FBRSL1: variants seen among roughly 807,000 people sequenced by gnomAD.
FBRSL1 encodes fibrosin-1-like protein.
FBRSL1 carries 51 observed loss-of-function variants against 89.6 expected under a neutral mutation model. The observed-to-expected ratio is 0.57, with a 90% confidence interval of 0.45 to 0.72. The LOEUF is 0.72. Among genes scored for constraint, FBRSL1 ranks in the 30% least tolerant of loss-of-function variants. The pLI is 0.00. For synonymous variants in FBRSL1, 779 were observed against 681.1 expected, an observed-to-expected ratio of 1.14 and a Z score of -2.24; for missense variants, 1,618 against 1,451.8, an observed-to-expected ratio of 1.11 and a Z score of -1.86.
chr12:132,565,698 A>G (rs1391145828), intron 5 of FBRSL1: 1 of 152,316 alleles, frequency 6.6e-6, no homozygotes, highest in Non-Finnish European at 1.5e-5. Flanking sequence ...CACATTGTCC[A>G]GATCCACATA....
intron 14 of FBRSL1, among the ~76,000 whole-genome samples, chr12:132,575,810 A>T (rs1262579774): frequency 6.6e-6 from 1 of 152,194 alleles, no homozygotes; most frequent in Non-Finnish European, 1.5e-5. Context: ...CAGTGAAACC[A>T]CCCCAGTGCC....
At chr12:132,551,484 G>A (rs1353384406) in intron 5 of FBRSL1, 1 of 456,216 alleles carries the variant, frequency 2.2e-6, no homozygotes, top group East Asian at 6.9e-5. Flanking sequence ...CTTCTGGACG[G>A]AGTGGTGGGG....
At chr12:132,515,213 GCACAGA>G (rs937635352) in intron 2 of FBRSL1, among the ~76,000 whole-genome samples, 33 of 152,152 alleles carry the variant, frequency 2.2e-4, no homozygotes, top group African/African-American at 7.9e-4. Flanking sequence ...CCCTCACTTG[GCACAGA>G]CAAACCAGAC....
intron 15 of FBRSL1, chr12:132,580,919 G>A: frequency 1.0e-6 from 1 of 985,468 alleles, no homozygotes; most frequent in Non-Finnish European, 1.2e-6. Flanking sequence ...GTTGTTGGGG[G>A]GCCAGGGCTG....
intron 5 of FBRSL1, chr12:132,554,172 G>A (rs1465601614): frequency 6.6e-6 from 1 of 152,270 alleles, no homozygotes; most frequent in African/African-American, 2.4e-5. Flanking sequence ...TCAAGCGTCG[G>A]TAAGGGCCTC....
At chr12:132,579,510 C>T (rs185793417) in intron 15 of FBRSL1, among the ~76,000 whole-genome samples, 218 of 152,358 alleles carry the variant, frequency 1.4e-3, no homozygotes, top group Middle Eastern at 3.4e-3. Context: ...GATGCTGTAA[C>T]TAGCAATCCT....
At chr12:132,576,196 C>CT (rs916746441) in intron 14 of FBRSL1, among the ~76,000 whole-genome samples, 71 of 124,910 alleles carry the variant, frequency 5.7e-4, no homozygotes, top group African/African-American at 8.9e-4. Context: ...TTTTCAGTTT[C>CT]TTTTTTTTTT....
chr12:132,490,402 C>T lies in FBRSL1; in HGVS notation c.-169C>T, dbSNP rs1467140719. The T allele has an allele frequency of 1.8e-5, 5 of 283,426 alleles. No individual in the cohort carries two copies. The highest frequency in any genetic ancestry group is 2.6e-5 in the Non-Finnish European group (5 of 195,068). 17.6% of individuals were successfully genotyped at this position (283,426 alleles called of 1,614,324 possible). ...CGCGCCGGGCCCGGGGCTGAGCCGC[C>T]CCCCGCGCCCGGCATGCCCGGCCCG... On this transcript the variant is annotated 5_prime_UTR_variant, in exon 1 of 19. Transcript: ENST00000680143.
chr12:132,525,398 G>C lies in FBRSL1; in HGVS notation c.490-336G>C, dbSNP rs896586234. Among the ~76,000 whole-genome samples, 13 of 152,332 alleles carry C rather than the reference G, an allele frequency of 8.5e-5. 3 individuals carry two copies. The highest frequency in any genetic ancestry group is 3.1e-4 in the African/African-American group (13 of 41,570). On this transcript the variant is annotated intron_variant, in intron 2 of 18. Coordinates refer to ENST00000680143, the MANE Select transcript of FBRSL1 (RefSeq NM_001367871.1). ...CTTCAAAGTCAGCGGCTTGTGGAAG[G>C]GGCGGCTCCAAGCACGTGGCGGTTC...
intron 4 of FBRSL1, among the ~76,000 whole-genome samples, chr12:132,545,278 G>A (rs558192676): frequency 5.4e-4 from 82 of 152,342 alleles, no homozygotes; most frequent in African/African-American, 1.9e-3. Context: ...GCCCAGCCCC[G>A]GCGCCGTGAA....
At chr12:132,506,083 C>G (rs1401195477) in intron 1 of FBRSL1, among the ~76,000 whole-genome samples, 1 of 152,178 alleles carries the variant, frequency 6.6e-6, no homozygotes, top group Non-Finnish European at 1.5e-5. Context: ...AGAATGTTCA[C>G]TCAGCAGCAC....
chr12:132,545,613 A>T, intron 4 of FBRSL1, among the ~76,000 whole-genome samples: 1 of 152,234 alleles, frequency 6.6e-6, no homozygotes, highest in South Asian at 2.1e-4. Context: ...CCACGGGGAG[A>T]TCCGTAACCA....
intron 9 of FBRSL1, 41 bp downstream of exon 9, chr12:132,571,272 G>A (rs1268851376): frequency 4.0e-5 from 60 of 1,493,954 alleles, no homozygotes; most frequent in Middle Eastern, 1.7e-4. Flanking sequence ...CGCGGCCAAC[G>A]TGCCTCTCTG....
intron 5 of FBRSL1, among the ~76,000 whole-genome samples, chr12:132,550,412 C>T (rs566197646): frequency 1.3e-5 from 2 of 152,278 alleles, no homozygotes; most frequent in African/African-American, 2.4e-5. Context: ...GCGCACAAAG[C>T]GGGGGCACGG....
chr12:132,565,429 A>G lies in FBRSL1; in HGVS notation c.646-2052A>G, dbSNP rs1213254213. The G allele has an allele frequency of 2.0e-5, 3 of 151,926 alleles. No individual in the cohort carries two copies. The East Asian group carries it at 5.8e-4, about 29-fold the overall frequency. The allele number at this position is 151,926 out of a possible 1,614,324, so 9.4% of individuals were successfully genotyped here. On this transcript the variant is annotated intron_variant, in intron 5 of 18. Coordinates refer to ENST00000680143, the MANE Select transcript of FBRSL1 (RefSeq NM_001367871.1). ...AACATCCATGCACACACTGCCACCCAGGTACACACACCCGAGAATGTGTGT... is the reference window on the plus strand; with the variant it reads ...AACATCCATGCACACACTGCCACCCGGGTACACACACCCGAGAATGTGTGT...
At chr12:132,510,542 G>C in intron 2 of FBRSL1, 3 of 1,231,296 alleles carry the variant, frequency 2.4e-6, no homozygotes, top group Non-Finnish European at 2.0e-6. Flanking sequence ...ATTGCCCTTC[G>C]GGCTGGAGAT....
At position 132,508,066 on chromosome 12, in the gene FBRSL1, T is replaced by G. The variant is rs1593273556; in HGVS notation, c.292-87T>G. ...GCCCCTCCCAAGTGGGGAGGCTCCT[T>G]CCCAAGAGCTGCTCAGGTGGGTGCT... is the stretch of plus-strand genomic sequence containing the variant. On this transcript the variant is annotated intron_variant, in intron 1 of 18. Transcript: ENST00000680143. 12 of 1,337,808 alleles carry G rather than the reference T, an allele frequency of 9.0e-6. No homozygotes were observed. The Admixed American group carries it at 1.1e-4, about 12-fold the overall frequency. The allele number at this position is 1,337,808 out of a possible 1,614,324, so 82.9% of individuals were successfully genotyped here. A position where few individuals can be genotyped will look rare whatever the true frequency, so the allele number is the denominator to read the frequency against.
chr12:132,580,740 A>G, intron 15 of FBRSL1: 2 of 984,198 alleles, frequency 2.0e-6, no homozygotes, highest in African/African-American at 1.7e-5. Context: ...CCCTAAGATT[A>G]GGGCTGGGAG....
chr12:132,523,923 G>T (rs2035575126), intron 2 of FBRSL1, among the ~76,000 whole-genome samples: 1 of 152,244 alleles, frequency 6.6e-6, no homozygotes, highest in Non-Finnish European at 1.5e-5. Flanking sequence ...GGGACCCGGT[G>T]GGCAGGGCTG....
Sources: gnomAD v4.1 joint callset for allele counts (sites outside exome capture counted in the v4.1 genomes callset) on GRCh38, gnomAD v4.1.1 for gene constraint, MANE v1.5 for transcripts, NCBI Gene and HGNC (gene_info 2026-07-23, HGNC 2026-07-21) for gene names.